Variants in ADORA1 observed in about 807,000 individuals in gnomAD.
ADORA1 encodes the protein adenosine A1 receptor, also known as adenosine receptor A1.
In ADORA1, 6 loss-of-function variants were observed where a neutral mutation model predicts 19.9. That is an observed-to-expected ratio of 0.30 (90% CI 0.17 to 0.59). The LOEUF is 0.59. Ranked by LOEUF, ADORA1 falls within the 20% of genes least tolerant of loss-of-function variation. The probability of loss-of-function intolerance (pLI) is 0.87; values close to 1 mark genes in which losing one functional copy is unlikely to be tolerated. For synonymous variants in ADORA1, 194 were observed against 188.4 expected, an observed-to-expected ratio of 1.03 and a Z score of -0.24; for missense variants, 302 against 439.2, an observed-to-expected ratio of 0.69 and a Z score of 2.79.
chr1:203,130,970 C>A (rs188278644), intron 3 of ADORA1, among the ~76,000 whole-genome samples: 22 of 152,334 alleles, frequency 1.4e-4, no homozygotes, highest in Non-Finnish European at 2.8e-4. Flanking sequence ...GAATTTCTAG[C>A]TGTGCAAAAG....
chr1:203,148,850 G>A (rs373962141), intron 3 of ADORA1, among the ~76,000 whole-genome samples: 1 of 151,936 alleles, frequency 6.6e-6, no homozygotes. Flanking sequence ...GCCTGGTGGC[G>A]TTCCCCAAGG....
At chr1:203,147,286 C>T (rs1654888565) in intron 3 of ADORA1, among the ~76,000 whole-genome samples, 1 of 152,124 alleles carries the variant, frequency 6.6e-6, no homozygotes, top group African/African-American at 2.4e-5. Context: ...CCTCTTTGCC[C>T]TCTCTTCTCC....
At chr1:203,153,586 G>A (rs1192015510) in intron 3 of ADORA1, among the ~76,000 whole-genome samples, 9 of 152,156 alleles carry the variant, frequency 5.9e-5, no homozygotes. Flanking sequence ...GTGTCAGCCC[G>A]AGTCTCCTTT....
intron 3 of ADORA1, among the ~76,000 whole-genome samples, chr1:203,158,290 A>T (rs933640562): frequency 1.3e-5 from 2 of 152,236 alleles, no homozygotes; most frequent in Admixed American, 6.5e-5. Context: ...CCTTCCACAA[A>T]GTCCTGGGAC....
Position 203,129,343 on chromosome 1 carries a change from C to T in ADORA1, c.341+161C>T, listed in dbSNP as rs543967849. ...CTCTGCCTTTCCGTGCTCCGCTCTGCAGGGCCAGAGAAACAGGAGGGGGAT... is the reference window on the plus strand; with the variant it reads ...CTCTGCCTTTCCGTGCTCCGCTCTGTAGGGCCAGAGAAACAGGAGGGGGAT... On this transcript the variant is annotated intron_variant, in intron 3 of 3. Coordinates refer to ENST00000337894, the MANE Select transcript of ADORA1 (RefSeq NM_000674.3). 7 of 940,500 alleles carry T rather than the reference C, an allele frequency of 7.4e-6. No individual in the cohort carries two copies. The East Asian group carries it at 7.0e-4, about 94-fold the overall frequency. 58.3% of individuals were successfully genotyped at this position (940,500 alleles called of 1,614,324 possible). A position where few individuals can be genotyped will look rare whatever the true frequency, so the allele number is the denominator to read the frequency against.
At chr1:203,138,573 A>G (rs1342265001) in intron 3 of ADORA1, among the ~76,000 whole-genome samples, 1 of 152,168 alleles carries the variant, frequency 6.6e-6, no homozygotes, top group Non-Finnish European at 1.5e-5. Flanking sequence ...CAAATGGGTG[A>G]AGTGAGATAA....
In ADORA1 at chr1:203,128,823, T is replaced by G; in HGVS notation, c.-19T>G. The G allele has an allele frequency of 6.4e-7, 1 of 1,572,788 alleles. No individual in the cohort carries two copies. The highest frequency in any genetic ancestry group is 8.6e-7 in the Non-Finnish European group (1 of 1,162,804). ...GCCCCTTGGTGCCCGTCTGCTGATG[T>G]GCCCAGCCTGTGCCCGCCATGCCGC... On this transcript the variant is annotated 5_prime_UTR_variant, in exon 3 of 4. Coordinates refer to ENST00000337894, the MANE Select transcript of ADORA1 (RefSeq NM_000674.3). This position sits in a 1 kb window ranked among gnomAD's most constrained non-coding sequence, Gnocchi z 5.9.
intron 3 of ADORA1, among the ~76,000 whole-genome samples, chr1:203,161,423 AG>A (rs1655363037): frequency 1.3e-5 from 2 of 152,228 alleles, no homozygotes; most frequent in Non-Finnish European, 2.9e-5. Context: ...TGGACAACAC[AG>A]GGGGGCCCCT....
chr1:203,128,623 A>G lies in ADORA1; in HGVS notation c.-57-162A>G, dbSNP rs1303051185. The stretch of plus-strand genomic sequence containing the variant: ...CCTCTGGGAATGATAAAGGGAAGGG[A>G]CAAAGATTAGGCAGAGAAGGGTCCG... On this transcript the variant is annotated intron_variant, in intron 2 of 3. Transcript: ENST00000337894. The surrounding 1 kb of genome is among the most constrained non-coding windows in gnomAD (Gnocchi z 5.9). Among the ~76,000 whole-genome samples, 1 of 152,206 alleles carries G rather than the reference A, an allele frequency of 6.6e-6. No individual in the cohort carries two copies. Among genetic ancestry groups the G allele is most frequent in the Non-Finnish European group, 1.5e-5 (1 of 68,030 alleles).
intron 3 of ADORA1, among the ~76,000 whole-genome samples, chr1:203,130,507 G>A (rs977332936): frequency 7.2e-5 from 11 of 152,212 alleles, no homozygotes; most frequent in Admixed American, 1.3e-4. Context: ...TCCAGGGAAG[G>A]TGGGGTGAAT....
chr1:203,150,682 G>A (rs942158542), intron 3 of ADORA1: 4 of 1,289,842 alleles, frequency 3.1e-6, no homozygotes, highest in Non-Finnish European at 4.0e-6. Flanking sequence ...AAGAACTGAA[G>A]TTAGACTCTG....
chr1:203,128,923 G>A lies in ADORA1; in HGVS notation c.82G>A (p.Val28Met), dbSNP rs201138442. 4 of 1,613,952 alleles carry A rather than the reference G, an allele frequency of 2.5e-6. No homozygotes were observed. Among genetic ancestry groups the A allele is most frequent in the Non-Finnish European group, 3.4e-6 (4 of 1,180,032 alleles). ...CGCCCTGGTCTCTGTGCCCGGGAAC[G>A]TGCTGGTGATCTGGGCGGTGAAGGT... is the stretch of plus-strand genomic sequence containing the variant. ...LIALVSVPGNVLVIWAVKVNQ... is the reference protein window; with the variant it reads ...LIALVSVPGNMLVIWAVKVNQ... The change falls in exon 3 of 4, where the codon GTG becomes ATG. Residue 28 changes from valine (V) to methionine (M), a missense_variant. Coordinates refer to ENST00000337894, the MANE Select transcript of ADORA1 (RefSeq NM_000674.3). This position sits in a 1 kb window ranked among gnomAD's most constrained non-coding sequence, Gnocchi z 5.9.
At chr1:203,148,624 G>A (rs1324217974) in intron 3 of ADORA1, among the ~76,000 whole-genome samples, 1 of 152,216 alleles carries the variant, frequency 6.6e-6, no homozygotes, top group Non-Finnish European at 1.5e-5. Flanking sequence ...CAGCTGAGGA[G>A]GTTGGGAGGG....
At chr1:203,140,113 G>A (rs1472839764) in intron 3 of ADORA1, among the ~76,000 whole-genome samples, 1 of 152,184 alleles carries the variant, frequency 6.6e-6, no homozygotes, top group Non-Finnish European at 1.5e-5. Flanking sequence ...GGCAAGGGTG[G>A]TTTAACATTT....
intron 3 of ADORA1, among the ~76,000 whole-genome samples, chr1:203,142,188 G>C (rs543873530): frequency 6.6e-6 from 1 of 152,344 alleles, no homozygotes; most frequent in South Asian, 2.1e-4. Context: ...AAGTGGGGCT[G>C]TTACTGTTGT....
chr1:203,164,100 G>A (rs1655457532), intron 3 of ADORA1, among the ~76,000 whole-genome samples: 1 of 152,184 alleles, frequency 6.6e-6, no homozygotes, highest in African/African-American at 2.4e-5. Context: ...TGGTTTAAAG[G>A]GAAGTAGGAA....
intron 3 of ADORA1, among the ~76,000 whole-genome samples, chr1:203,146,938 T>G (rs1478632673): frequency 6.6e-6 from 1 of 152,226 alleles, no homozygotes; most frequent in African/African-American, 2.4e-5. Flanking sequence ...AGCAGCCCAG[T>G]AGGCCCCAGG....
chr1:203,158,406 T>C (rs1304575130), intron 3 of ADORA1, among the ~76,000 whole-genome samples: 1 of 152,232 alleles, frequency 6.6e-6, no homozygotes, highest in Non-Finnish European at 1.5e-5. Context: ...TCATCCAAAA[T>C]TCTTTACTGT....
intron 3 of ADORA1, among the ~76,000 whole-genome samples, chr1:203,160,715 G>A (rs1010830347): frequency 6.6e-6 from 1 of 152,174 alleles, no homozygotes; most frequent in African/African-American, 2.4e-5. Context: ...GGAGGCTGAG[G>A]TGGAAGGATC....
Sources: gnomAD v4.1 joint callset for allele counts (sites outside exome capture counted in the v4.1 genomes callset) on GRCh38, gnomAD v4.1.1 for gene constraint, Gnocchi (gnomAD v3.1) non-coding constraint, MANE v1.5 for transcripts, NCBI Gene and HGNC (gene_info 2026-07-23, HGNC 2026-07-21) for gene names.